Variants in SWT1 observed in about 807,000 individuals in gnomAD.
SWT1 encodes the protein transcriptional protein SWT1.
Under a neutral mutation model 107.3 loss-of-function variants are expected in SWT1, and 33 were observed. That is an observed-to-expected ratio of 0.31 (90% CI 0.23 to 0.41). The LOEUF is 0.41. SWT1 is among the 10% of genes least tolerant of loss of function. SWT1 has a pLI of 1.00. For synonymous variants in SWT1, 345 were observed against 348.3 expected (o/e 0.99, Z 0.11); for missense variants, 898 against 1,028.9 (o/e 0.87, Z 1.74).
At chr1:185,226,732 C>CAT (rs1219910077) in intron 15 of SWT1, 6 of 355,590 alleles carry the variant, frequency 1.7e-5, no homozygotes, top group African/African-American at 1.4e-4. Flanking sequence ...GCTTCTGAGA[C>CAT]TTTTTTTTTT....
chr1:185,182,066 T>G lies in SWT1; in HGVS notation c.1138+9T>G. On this transcript the variant is annotated intron_variant, in intron 7 of 18. Transcript: ENST00000367500. ...TGTACATTCCTCCTCTGGTATACCC[T>G]ATATGTTGATGTGTATGCTCCCCTA... The G allele has an allele frequency of 6.2e-7, 1 of 1,613,130 alleles. No homozygotes were observed. Among genetic ancestry groups the G allele is most frequent in the Non-Finnish European group, 8.5e-7 (1 of 1,179,326 alleles).
intron 16 of SWT1, among the ~76,000 whole-genome samples, chr1:185,257,135 C>G (rs901656839): frequency 2.0e-5 from 3 of 152,068 alleles, no homozygotes; most frequent in African/African-American, 4.8e-5. Context: ...GCAGTCTGCC[C>G]GTTCTCATAT....
chr1:185,180,463 C>A lies in SWT1; in HGVS notation c.1026+13C>A, dbSNP rs1325700871. 2 of 1,589,992 alleles carry A rather than the reference C, an allele frequency of 1.3e-6. No individual in the cohort carries two copies. Among genetic ancestry groups the A allele is most frequent in the Non-Finnish European group, 1.7e-6 (2 of 1,158,548 alleles). On this transcript the variant is annotated intron_variant, in intron 6 of 18. Transcript: ENST00000367500. ...TGCAGATCAAGAGGTTATTGATATTCTTGTTTACTTTGATATTTTTAATGA... is the reference window on the plus strand; with the variant it reads ...TGCAGATCAAGAGGTTATTGATATTATTGTTTACTTTGATATTTTTAATGA...
At chr1:185,194,903 G>A (rs1412741095) in intron 10 of SWT1, among the ~76,000 whole-genome samples, 2 of 151,970 alleles carry the variant, frequency 1.3e-5, no homozygotes, top group African/African-American at 4.8e-5. Flanking sequence ...TTGACTCTTG[G>A]CAGTATGTTG....
chr1:185,174,764 G>T lies in SWT1; in HGVS notation c.617G>T (p.Trp206Leu), dbSNP rs753835057. 5.6e-6 allele frequency: 9 copies of T among 1,610,672 alleles called. No homozygotes were observed. The highest frequency in any genetic ancestry group is 6.8e-6 in the Non-Finnish European group (8 of 1,179,260). Residue 206 changes from tryptophan (W) to leucine (L), a missense_variant, in exon 5 of 19, where the codon TGG (tryptophan) becomes TTG (leucine). Trp to Leu is a moderately conservative substitution (Grantham distance 61). Transcript: ENST00000367500. ...TCTGAAAAATGTGTCTTAGAGAAAT[G>T]GAAGAGAAATCAATTTTCTCAGGAT... is the stretch of plus-strand genomic sequence containing the variant. The part of the protein sequence containing the change: ...DNSEKCVLEK[W>L]KRNQFSQDYN...
intron 10 of SWT1, among the ~76,000 whole-genome samples, chr1:185,198,976 C>T (rs1434680824): frequency 9.6e-5 from 14 of 145,456 alleles, no homozygotes; most frequent in Non-Finnish European, 2.1e-4. Context: ...CTCGCTCTGT[C>T]ATCCAGCCTG....
At chr1:185,264,428 G>A (rs760737277) in intron 16 of SWT1, 58 of 984,684 alleles carry the variant, frequency 5.9e-5, no homozygotes, top group Non-Finnish European at 6.6e-5. Context: ...ATGTTCATTT[G>A]GTTCCTAGTT....
chr1:185,245,514 AAGTAT>A (rs1390637684), intron 16 of SWT1, among the ~76,000 whole-genome samples: 1 of 152,210 alleles, frequency 6.6e-6, no homozygotes, highest in Non-Finnish European at 1.5e-5. Context: ...TAATAATAAA[AAGTAT>A]AGTAGAGTAA....
chr1:185,270,690 CAG>C (rs1663793583), intron 16 of SWT1, among the ~76,000 whole-genome samples: 1 of 152,180 alleles, frequency 6.6e-6, no homozygotes, highest in African/African-American at 2.4e-5. Context: ...GCCTGGGCGA[CAG>C]AGTGAGACCT....
intron 4 of SWT1, among the ~76,000 whole-genome samples, chr1:185,171,160 G>GA (rs34770523): frequency 3.2e-4 from 47 of 147,282 alleles, no homozygotes; most frequent in Admixed American, 4.0e-4. Context: ...TTTCAAACAG[G>GA]AAAAAAAAAA....
At position 185,181,124 on chromosome 1, in the gene SWT1, T is replaced by C. The variant is rs1655985406; in HGVS notation, c.1026+674T>C. Among the ~76,000 whole-genome samples the C allele has an allele frequency of 2.0e-5, 3 of 152,018 alleles. No homozygotes were observed. In the South Asian group the frequency reaches 6.2e-4, roughly 32 times the overall value. ...CTCTACTAAAAATACAGAAATTAGC[T>C]GGGCATGGTGGTACATGCATGTAAT... is the stretch of plus-strand genomic sequence containing the variant. On this transcript the variant is annotated intron_variant, in intron 6 of 18. Transcript: ENST00000367500.
chr1:185,256,069 G>C (rs932810894), intron 16 of SWT1, among the ~76,000 whole-genome samples: 2 of 150,720 alleles, frequency 1.3e-5, no homozygotes, highest in African/African-American at 4.9e-5. Flanking sequence ...TGAAATTCTG[G>C]GTTGAAAATT....
chr1:185,191,785 A>C (rs1031171622), intron 10 of SWT1, among the ~76,000 whole-genome samples: 1 of 152,192 alleles, frequency 6.6e-6, no homozygotes, highest in East Asian at 1.9e-4. Context: ...AGTTCAGCTT[A>C]GAATGAAAAT....
At chr1:185,169,171 C>T (rs536005032) in intron 4 of SWT1, among the ~76,000 whole-genome samples, 1 of 152,066 alleles carries the variant, frequency 6.6e-6, no homozygotes, top group South Asian at 2.1e-4. Context: ...TGATACTTTG[C>T]TTCTGTGTTA....
intron 16 of SWT1, among the ~76,000 whole-genome samples, chr1:185,256,585 C>T (rs1438871593): frequency 1.4e-5 from 2 of 144,174 alleles, no homozygotes; most frequent in African/African-American, 5.3e-5. Context: ...GCTCCTGAGG[C>T]TTCTGCATTC....
chr1:185,272,323 A>G (rs1342207570), intron 17 of SWT1, among the ~76,000 whole-genome samples: 1 of 152,206 alleles, frequency 6.6e-6, no homozygotes, highest in Non-Finnish European at 1.5e-5. Flanking sequence ...CTCTTTGTTT[A>G]TGTTTCCTGT....
intron 16 of SWT1, among the ~76,000 whole-genome samples, chr1:185,252,885 A>G (rs1489060230): frequency 6.8e-6 from 1 of 147,480 alleles, no homozygotes; most frequent in East Asian, 2.0e-4. Context: ...GGTAATGCCT[A>G]GGTTTTCTTC....
At chr1:185,275,253 G>A (rs539043243) in intron 17 of SWT1, among the ~76,000 whole-genome samples, 224 of 151,968 alleles carry the variant, frequency 1.5e-3, no homozygotes, top group African/African-American at 5.2e-3. Flanking sequence ...TACATTGATG[G>A]TCCCAGAATG....
chr1:185,179,324 T>G (rs1471341287), intron 5 of SWT1, among the ~76,000 whole-genome samples: 1 of 152,200 alleles, frequency 6.6e-6, no homozygotes, highest in Non-Finnish European at 1.5e-5. Flanking sequence ...TTCCGTAAAG[T>G]ACATGTTAGT....
Sources: allele counts gnomAD v4.1 joint callset (sites outside exome capture counted in the v4.1 genomes callset), GRCh38; gene constraint gnomAD v4.1.1; transcripts MANE v1.5; gene names NCBI Gene and HGNC (gene_info 2026-07-23, HGNC 2026-07-21).